EPB41L4A: variants seen among roughly 807,000 people sequenced by gnomAD.
EPB41L4A encodes erythrocyte membrane protein band 4.1 like 4A, also known as band 4.1-like protein 4A.
In EPB41L4A, 100 loss-of-function variants were observed where a neutral mutation model predicts 108.6. The ratio of observed to expected loss-of-function variants is 0.92; its 90% CI spans 0.78 to 1.09. The LOEUF is 1.09. Ranked by LOEUF, EPB41L4A falls within the 50% of genes least tolerant of loss-of-function variation. The pLI, the probability that EPB41L4A is intolerant of heterozygous loss-of-function variation, is 0.00. For missense variants in EPB41L4A, 1,030 were observed against 842.7 expected, an observed-to-expected ratio of 1.22 and a Z score of -2.75; for synonymous variants, 319 against 289.0, an observed-to-expected ratio of 1.10 and a Z score of -1.05.
At chr5:112,196,670 G>C (rs1194879183) in intron 15 of EPB41L4A, 1 of 152,196 alleles carries the variant, frequency 6.6e-6, no homozygotes, top group Non-Finnish European at 1.5e-5. Context: ...CAAAATCCCA[G>C]GCATGGGTGA....
chr5:112,382,614 C>G (rs568264604), intron 1 of EPB41L4A, among the ~76,000 whole-genome samples: 17 of 152,076 alleles, frequency 1.1e-4, no homozygotes, highest in Admixed American at 4.6e-4. Context: ...ATTATGACAC[C>G]TTCTGATTGT....
chr5:112,390,010 T>G lies in EPB41L4A; in HGVS notation c.99+28931A>C, dbSNP rs1277970899. Among the ~76,000 whole-genome samples the G allele has an allele frequency of 3.9e-5, 6 of 152,144 alleles. No homozygotes were observed. The East Asian group carries it at 1.2e-3, about 29-fold the overall frequency. ...AAAAACTAAGCTCTAGTAAATAAAT[T>G]CTGCATGTCTCAATGCCTACACAAT... is the stretch of plus-strand genomic sequence containing the variant. On this transcript the variant is annotated intron_variant, in intron 1 of 22. Coordinates refer to ENST00000261486, the MANE Select transcript of EPB41L4A (RefSeq NM_022140.5).
At chr5:112,336,700 C>G (rs935186062) in intron 1 of EPB41L4A, among the ~76,000 whole-genome samples, 1 of 152,104 alleles carries the variant, frequency 6.6e-6, no homozygotes, top group African/African-American at 2.4e-5. Context: ...TGACAACATC[C>G]AAAGGCTTGG....
intron 9 of EPB41L4A, among the ~76,000 whole-genome samples, chr5:112,255,115 T>C (rs145988479): frequency 2.6e-5 from 4 of 152,288 alleles, no homozygotes; most frequent in Non-Finnish European, 5.9e-5. Flanking sequence ...CATCAGTTGA[T>C]GAAATTCTGC....
intron 2 of EPB41L4A, among the ~76,000 whole-genome samples, chr5:112,304,645 C>T (rs1166764143): frequency 6.6e-6 from 1 of 152,096 alleles, no homozygotes; most frequent in African/African-American, 2.4e-5. Context: ...TCTTTTCTTT[C>T]TTCCAGACTT....
chr5:112,288,029 C>A (rs896974607), intron 2 of EPB41L4A, among the ~76,000 whole-genome samples: 5 of 152,134 alleles, frequency 3.3e-5, no homozygotes, highest in Admixed American at 2.6e-4. Context: ...AGAAGGCAAA[C>A]AATGCTGCAA....
chr5:112,318,509 CTTCTAAGGCATCAGGCCTGTGA>C (rs1755568251), intron 1 of EPB41L4A, among the ~76,000 whole-genome samples: 2 of 152,158 alleles, frequency 1.3e-5, no homozygotes, highest in Non-Finnish European at 1.5e-5. Flanking sequence ...TTCAGACGCC[CTTCTAAGGCATCAGGCCTGTGA>C]ATGAACACAT....
At chr5:112,352,315 C>G (rs1758097913) in intron 1 of EPB41L4A, among the ~76,000 whole-genome samples, 1 of 152,136 alleles carries the variant, frequency 6.6e-6, no homozygotes, top group South Asian at 2.1e-4. Flanking sequence ...TTTGGTATGT[C>G]AAGTTTGAAG....
chr5:112,296,020 T>C (rs184752339), intron 2 of EPB41L4A, among the ~76,000 whole-genome samples: 85 of 152,304 alleles, frequency 5.6e-4, no homozygotes, highest in Non-Finnish European at 1.1e-3. Context: ...TTTATTTAAA[T>C]TGACAAAATG....
intron 1 of EPB41L4A, among the ~76,000 whole-genome samples, chr5:112,320,283 C>CTG (rs1755690264): frequency 6.6e-6 from 1 of 152,134 alleles, no homozygotes; most frequent in Admixed American, 6.5e-5. Context: ...AAGGAGAAGG[C>CTG]TGTGACCCAC....
chr5:112,227,391 G>A (rs1370956588), intron 12 of EPB41L4A, among the ~76,000 whole-genome samples: 1 of 152,124 alleles, frequency 6.6e-6, no homozygotes, highest in Non-Finnish European at 1.5e-5. Context: ...TGAATAGAAA[G>A]ACATCCTTTT....
intron 1 of EPB41L4A, among the ~76,000 whole-genome samples, chr5:112,325,773 C>T (rs1170414572): frequency 6.6e-6 from 1 of 152,154 alleles, no homozygotes; most frequent in Non-Finnish European, 1.5e-5. Context: ...CACTCAGTTT[C>T]TCAGTTTCTT....
intron 1 of EPB41L4A, among the ~76,000 whole-genome samples, chr5:112,409,248 T>C (rs1762275841): frequency 6.6e-6 from 1 of 152,212 alleles, no homozygotes; most frequent in South Asian, 2.1e-4. Context: ...ACATATCATA[T>C]GAATCCTTTT....
At chr5:112,219,283 T>C (rs903052169) in intron 12 of EPB41L4A, among the ~76,000 whole-genome samples, 3 of 152,068 alleles carry the variant, frequency 2.0e-5, no homozygotes, top group Admixed American at 6.5e-5. Flanking sequence ...TGATAGTGAG[T>C]GAACTCTCAC....
chr5:112,318,854 G>A (rs559095044), intron 1 of EPB41L4A, among the ~76,000 whole-genome samples: 2 of 152,210 alleles, frequency 1.3e-5, no homozygotes, highest in Admixed American at 6.5e-5. Flanking sequence ...GGTAACATAC[G>A]TATGTTACAC....
At chr5:112,204,346 T>C in intron 15 of EPB41L4A, 29 bp downstream of exon 15, 1 of 1,479,820 alleles carries the variant, frequency 6.8e-7, no homozygotes, top group Non-Finnish European at 9.4e-7. Flanking sequence ...TGTTGAAAGC[T>C]GCTAACAGAG....
At chr5:112,195,373 T>C (rs565098993) in intron 16 of EPB41L4A, among the ~76,000 whole-genome samples, 4 of 151,700 alleles carry the variant, frequency 2.6e-5, no homozygotes, top group African/African-American at 9.7e-5. Flanking sequence ...GACAGAATTA[T>C]ACTAGATAAA....
intron 1 of EPB41L4A, among the ~76,000 whole-genome samples, chr5:112,337,467 T>C (rs1389620227): frequency 6.6e-6 from 1 of 152,162 alleles, no homozygotes; most frequent in African/African-American, 2.4e-5. Flanking sequence ...CAGGCTCTGT[T>C]TGAACTGTTT....
intron 4 of EPB41L4A, 179 bp downstream of exon 4, chr5:112,275,147 T>C: frequency 1.5e-6 from 1 of 674,222 alleles, no homozygotes; most frequent in Non-Finnish European, 2.3e-6. Flanking sequence ...AACACATCTA[T>C]CATCAGACAC....
Sources: allele counts gnomAD v4.1 joint callset (sites outside exome capture counted in the v4.1 genomes callset), GRCh38; gene constraint gnomAD v4.1.1; transcripts MANE v1.5; gene names NCBI Gene and HGNC (gene_info 2026-07-23, HGNC 2026-07-21).